Variants in TOGARAM1 observed in about 807,000 individuals in gnomAD.
The protein encoded by TOGARAM1 is TOG array regulator of axonemal microtubules 1.
Under a neutral mutation model 166.6 loss-of-function variants are expected in TOGARAM1, and 100 were observed. The observed-to-expected ratio is 0.60, with a 90% CI of 0.51 to 0.71. The LOEUF (loss-of-function observed/expected upper bound fraction) is 0.71. TOGARAM1 is among the 30% of genes least tolerant of loss of function. TOGARAM1 has a pLI of 0.00. For synonymous variants in TOGARAM1, 758 were observed against 763.8 expected (o/e 0.99, Z 0.13); for missense variants, 2,029 against 2,102.7 (o/e 0.96, Z 0.69).
intron 1 of TOGARAM1, among the ~76,000 whole-genome samples, chr14:44,986,318 C>T (rs1477129603): frequency 6.6e-6 from 1 of 152,080 alleles, no homozygotes; most frequent in African/African-American, 2.4e-5. Flanking sequence ...GAGACAGAGC[C>T]TTGCTCTGTT....
In TOGARAM1 at chr14:44,995,439, G is replaced by A. The variant is rs373892729; in HGVS notation, c.2047-307G>A. The A allele has an allele frequency of 2.7e-3, 1,237 of 464,686 alleles. 22 individuals carry two copies. Among genetic ancestry groups the A allele is most frequent in the South Asian group, 0.018 (1,188 of 64,560 alleles). The allele number at this position is 464,686 out of a possible 1,614,324, so 28.8% of individuals were successfully genotyped here. A position where few individuals can be genotyped will look rare whatever the true frequency, so the allele number is the denominator to read the frequency against. Reference sequence around the variant, plus strand: ...ATAGTTTGAGGGGTTACGCTGCTCCGTCAGATCATTGTTTTTGTCATTTGT... The same window carrying A: ...ATAGTTTGAGGGGTTACGCTGCTCCATCAGATCATTGTTTTTGTCATTTGT... On this transcript the variant is annotated intron_variant, in intron 1 of 19. Transcript: ENST00000361462.
chr14:44,994,605 G>A (rs1222484958), intron 1 of TOGARAM1, among the ~76,000 whole-genome samples: 1 of 152,170 alleles, frequency 6.6e-6, no homozygotes, highest in Non-Finnish European at 1.5e-5. Context: ...TTTTTGTAGA[G>A]ATGGGATTTC....
At chr14:44,989,492 T>C (rs1887018445) in intron 1 of TOGARAM1, among the ~76,000 whole-genome samples, 1 of 151,470 alleles carries the variant, frequency 6.6e-6, no homozygotes, top group Non-Finnish European at 1.5e-5. Flanking sequence ...TAAGCAAACA[T>C]GAAAAAGCCT....
chr14:44,988,147 C>G (rs530113955), intron 1 of TOGARAM1, among the ~76,000 whole-genome samples: 1 of 151,036 alleles, frequency 6.6e-6, no homozygotes, highest in East Asian at 2.0e-4. Context: ...GGAGATATAC[C>G]TAATGTAAAT....
intron 3 of TOGARAM1, among the ~76,000 whole-genome samples, chr14:45,003,614 G>T (rs888925552): frequency 6.6e-6 from 1 of 152,042 alleles, no homozygotes; most frequent in East Asian, 1.9e-4. Context: ...GCATGGAAAA[G>T]ATACACTAGG....
intron 3 of TOGARAM1, 66 bp downstream of exon 3, chr14:44,999,563 A>G (rs946452427): frequency 1.5e-4 from 196 of 1,343,226 alleles, no homozygotes; most frequent in Non-Finnish European, 1.3e-4. Flanking sequence ...TCCAACACTA[A>G]CTTATATGAT....
chr14:44,989,975 C>G (rs944522627), intron 1 of TOGARAM1, among the ~76,000 whole-genome samples: 2 of 152,146 alleles, frequency 1.3e-5, no homozygotes, highest in African/African-American at 4.8e-5. Context: ...CTGTCAGACA[C>G]TTGTAAGACC....
intron 16 of TOGARAM1, among the ~76,000 whole-genome samples, chr14:45,060,738 G>T (rs528737527): frequency 6.6e-6 from 1 of 152,182 alleles, no homozygotes; most frequent in Non-Finnish European, 1.5e-5. Flanking sequence ...TTCTCAAGTT[G>T]GGTTTATCTG....
chr14:45,016,478 C>T (rs1880145416), intron 7 of TOGARAM1, among the ~76,000 whole-genome samples: 1 of 152,124 alleles, frequency 6.6e-6, no homozygotes, highest in Non-Finnish European at 1.5e-5. Flanking sequence ...TCAGGAGTTC[C>T]AGACCAACCT....
In TOGARAM1 at chr14:44,962,294, C is replaced by A; in HGVS notation, c.-128C>A. ...CCCGGAGTTGGGGGCGGCCTGGCGG[C>A]AGGCTGAAGCTGTTCTTTTGCCTCT... On this transcript the variant is annotated 5_prime_UTR_variant, in exon 1 of 20. Transcript: ENST00000361462. 3 of 1,211,462 alleles carry A rather than the reference C, an allele frequency of 2.5e-6. No individual in the cohort carries two copies. Among genetic ancestry groups the A allele is most frequent in the Middle Eastern group, 3.0e-4 (1 of 3,364 alleles). 75.0% of individuals were successfully genotyped at this position (1,211,462 alleles called of 1,614,324 possible).
intron 7 of TOGARAM1, among the ~76,000 whole-genome samples, chr14:45,021,509 C>T (rs1191385106): frequency 1.3e-5 from 2 of 152,130 alleles, no homozygotes; most frequent in Non-Finnish European, 2.9e-5. Context: ...TGGGGATTTA[C>T]GATTTTAGTT....
intron 1 of TOGARAM1, among the ~76,000 whole-genome samples, chr14:44,991,731 G>GT (rs141740822): frequency 0.11 from 15,576 of 147,072 alleles, 992 homozygotes; most frequent in African/African-American, 0.18. Context: ...ATTTATTTTT[G>GT]TTTTTTTTTT....
intron 1 of TOGARAM1, among the ~76,000 whole-genome samples, chr14:44,980,422 TTTGA>T (rs1476086981): frequency 6.6e-6 from 1 of 152,194 alleles, no homozygotes; most frequent in African/African-American, 2.4e-5. Context: ...ATTGCACCAC[TTTGA>T]GAGGTCAGTG....
rs867348836 is a variant in TOGARAM1, at chr14:44,962,579, C to A, written c.158C>A (p.Ala53Asp). ...GAGAAAAACTACTACTTCCGTGGAG[C>A]TGCGGGGGACCACGGTTCCTGCCCC... ...RGEKNYYFRG[A>D]AGDHGSCPTT... is the part of the protein sequence containing the mutation. Residue 53 changes from alanine (A) to aspartate (D), a missense_variant, in exon 1 of 20, where the codon GCT becomes GAT. By Grantham distance (126) the Ala-to-Asp change is moderately radical (BLOSUM62 -2). Transcript: ENST00000361462. 11 of 1,613,784 alleles carry A rather than the reference C, an allele frequency of 6.8e-6. No individual in the cohort carries two copies. The Middle Eastern group carries it at 1.3e-3, about 193-fold the overall frequency.
chr14:45,066,713 G>T lies in TOGARAM1; in HGVS notation c.4695G>T (p.Gln1565His). Reference sequence around the variant, plus strand: ...GTGATCGTATTAATGGGATTAAGCAGCTTTTATCAGATACAGAAAATAATC... The same window carrying T: ...GTGATCGTATTAATGGGATTAAGCATCTTTTATCAGATACAGAAAATAATC... ...DFRDRINGIK[Q>H]LLSDTENNQD... The change falls in exon 17 of 20, where the codon CAG becomes CAT. Residue 1565 changes from glutamine to histidine, a missense_variant. Physicochemically the swap from Gln to His is conservative, Grantham distance 24. This residue lies in a region of TOGARAM1 where 576 missense variants were observed against 670.5 expected (regional missense o/e 0.86). Transcript: ENST00000361462. 1 of 1,613,512 alleles carries T rather than the reference G, an allele frequency of 6.2e-7. No homozygotes were observed. Among genetic ancestry groups the T allele is most frequent in the Non-Finnish European group, 8.5e-7 (1 of 1,179,562 alleles).
intron 11 of TOGARAM1, among the ~76,000 whole-genome samples, chr14:45,042,629 T>A (rs1881784342): frequency 6.6e-6 from 1 of 152,192 alleles, no homozygotes; most frequent in Non-Finnish European, 1.5e-5. Context: ...ATAATTATAA[T>A]CTTTTAAATC....
chr14:45,064,466 G>A (rs1199119817), intron 16 of TOGARAM1, among the ~76,000 whole-genome samples: 3 of 151,832 alleles, frequency 2.0e-5, no homozygotes, highest in Admixed American at 6.6e-5. Context: ...TGGGCAGTAC[G>A]TGACTCAGTC....
chr14:45,027,196 G>C, intron 8 of TOGARAM1, 103 bp from the exon 9 acceptor site: 1 of 1,069,266 alleles, frequency 9.4e-7, no homozygotes. Flanking sequence ...CTTACTAACT[G>C]TGTTGTTTGA....
At chr14:45,014,829 G>C (rs1880020562) in intron 7 of TOGARAM1, among the ~76,000 whole-genome samples, 1 of 152,146 alleles carries the variant, frequency 6.6e-6, no homozygotes. Context: ...TATCAAGACA[G>C]AATTTATAAA....
Sources: gnomAD v4.1 joint callset for allele counts (sites outside exome capture counted in the v4.1 genomes callset) on GRCh38, gnomAD v4.1.1 for gene constraint, gnomAD v4.1.1 regional missense constraint, MANE v1.5 for transcripts, NCBI Gene and HGNC (gene_info 2026-07-23, HGNC 2026-07-21) for gene names.